The following TMEM117 variants were observed in gnomAD, a reference collection of about 807,000 sequenced individuals.
TMEM117 encodes the protein transmembrane protein 117.
A neutral mutation model predicts 52.4 loss-of-function variants in TMEM117; 27 were observed. The observed-to-expected ratio is 0.51, with a 90% CI of 0.38 to 0.71. The LOEUF is 0.71. Ranked by LOEUF, TMEM117 falls within the 30% of genes least tolerant of loss-of-function variation. The pLI, the probability that TMEM117 is intolerant of heterozygous loss-of-function variation, is 0.00. For missense variants in TMEM117, 556 were observed against 630.5 expected, an observed-to-expected ratio of 0.88 and a Z score of 1.26; for synonymous variants, 215 against 206.3, an observed-to-expected ratio of 1.04 and a Z score of -0.36.
At chr12:43,806,060 G>A in the TMEM117 span, 4 of 1,518,506 alleles carry the variant, frequency 2.6e-6, no homozygotes, top group African/African-American at 1.4e-5. Context: ...GGCAGCGCCC[G>A]GGAAGCAGGA....
chr12:43,980,608 T>C (rs1945745016), intron 3 of TMEM117, among the ~76,000 whole-genome samples: 1 of 152,192 alleles, frequency 6.6e-6, no homozygotes, highest in Non-Finnish European at 1.5e-5. Flanking sequence ...ACCAATGACT[T>C]ACTGACTTAC....
intron 5 of TMEM117, among the ~76,000 whole-genome samples, chr12:44,253,632 T>C (rs1402066956): frequency 2.6e-5 from 4 of 152,128 alleles, no homozygotes; most frequent in African/African-American, 9.7e-5. Flanking sequence ...TAGTGCTCTC[T>C]AGGTTCCTTG....
chr12:43,848,195 A>G lies in TMEM117; in HGVS notation c.277+3267A>G, dbSNP rs566813490. ...AAAGCAGAACCACTGATAAGGGTCT[A>G]TGTTCAGCAGTGCATGTATTGTCTT... On this transcript the variant is annotated intron_variant, in intron 2 of 7. Coordinates refer to ENST00000266534, the MANE Select transcript of TMEM117 (RefSeq NM_032256.3). 4.6e-5 allele frequency among the ~76,000 whole-genome samples: 7 copies of G among 152,312 alleles called. No homozygotes were observed. The East Asian group carries it at 5.8e-4, about 13-fold the overall frequency.
intron 6 of TMEM117, among the ~76,000 whole-genome samples, chr12:44,354,911 A>G (rs1000372447): frequency 3.3e-5 from 5 of 152,114 alleles, no homozygotes; most frequent in African/African-American, 9.7e-5. Context: ...AAGAAATTTT[A>G]TATCTTCTAA....
At chr12:44,279,752 G>A (rs1386888383) in intron 5 of TMEM117, among the ~76,000 whole-genome samples, 1 of 152,110 alleles carries the variant, frequency 6.6e-6, no homozygotes, top group Non-Finnish European at 1.5e-5. Flanking sequence ...GGGCTCAGGT[G>A]ATCCGCCCAC....
intron 4 of TMEM117, among the ~76,000 whole-genome samples, chr12:44,164,776 G>A (rs372212659): frequency 9.2e-5 from 14 of 152,208 alleles, no homozygotes; most frequent in African/African-American, 3.4e-4. Flanking sequence ...CCATGATCTG[G>A]ATGGTATATT....
At chr12:44,171,173 G>T (rs1228015993) in intron 4 of TMEM117, among the ~76,000 whole-genome samples, 1 of 151,824 alleles carries the variant, frequency 6.6e-6, no homozygotes, top group Non-Finnish European at 1.5e-5. Context: ...CCGCCACTAC[G>T]CCCGGCTAAT....
intron 2 of TMEM117, among the ~76,000 whole-genome samples, chr12:43,898,444 A>G (rs1348081329): frequency 6.6e-6 from 1 of 151,442 alleles, no homozygotes; most frequent in East Asian, 1.9e-4. Flanking sequence ...ATAATGATTA[A>G]TAGACCCTTT....
intron 5 of TMEM117, among the ~76,000 whole-genome samples, chr12:44,255,751 T>C (rs551631692): frequency 2.6e-5 from 4 of 152,160 alleles, no homozygotes; most frequent in African/African-American, 9.6e-5. Context: ...AATAACAAAA[T>C]ACTGGCAAAA....
intron 6 of TMEM117, among the ~76,000 whole-genome samples, chr12:44,373,438 T>C (rs1951892856): frequency 6.6e-6 from 1 of 152,220 alleles, no homozygotes; most frequent in African/African-American, 2.4e-5. Context: ...CTTTCTTCCT[T>C]TTTCTCCTGG....
chr12:44,221,965 T>C (rs555598168), intron 5 of TMEM117, among the ~76,000 whole-genome samples: 3 of 152,052 alleles, frequency 2.0e-5, no homozygotes, highest in South Asian at 4.2e-4. Context: ...TCCCAAAGTG[T>C]TGGGATTACA....
intron 5 of TMEM117, chr12:44,244,260 T>A (rs1950101019): frequency 6.6e-6 from 1 of 152,004 alleles, no homozygotes; most frequent in Non-Finnish European, 1.5e-5. Context: ...AAGGGCTCCC[T>A]TTTCTCTACA....
intron 5 of TMEM117, among the ~76,000 whole-genome samples, chr12:44,228,543 G>A (rs1949892449): frequency 6.6e-6 from 1 of 152,010 alleles, no homozygotes; most frequent in Non-Finnish European, 1.5e-5. Context: ...TCCCATAATG[G>A]CATATGTCAT....
At position 43,925,125 on chromosome 12, in the gene TMEM117, C is replaced by T. The variant is rs543684754; in HGVS notation, c.278-19085C>T. 2.6e-5 allele frequency among the ~76,000 whole-genome samples: 4 copies of T among 152,104 alleles called. No individual in the cohort carries two copies. The South Asian group carries it at 6.2e-4, about 24-fold the overall frequency. On this transcript the variant is annotated intron_variant, in intron 2 of 7. Transcript: ENST00000266534. ...AGACAGCAACTCGAGAGAGGGACCA[C>T]GGTGGAAACTACGATAACTTTCACA...
chr12:44,107,570 T>C (rs1947979283), intron 3 of TMEM117, among the ~76,000 whole-genome samples: 1 of 152,124 alleles, frequency 6.6e-6, no homozygotes, highest in Non-Finnish European at 1.5e-5. Context: ...AATTTTAATG[T>C]TAAAAATTAA....
chr12:44,324,599 A>G (rs1235022399), intron 6 of TMEM117, among the ~76,000 whole-genome samples: 4 of 152,152 alleles, frequency 2.6e-5, no homozygotes, highest in African/African-American at 7.2e-5. Context: ...TAAAAAGGAA[A>G]CAAAAATGAC....
At chr12:43,985,734 G>GA (rs1051546988) in intron 3 of TMEM117, among the ~76,000 whole-genome samples, 3 of 152,144 alleles carry the variant, frequency 2.0e-5, no homozygotes, top group Non-Finnish European at 4.4e-5. Context: ...GTGATTAAAA[G>GA]AAAGTAATTT....
chr12:44,097,496 A>G (rs1395460598), intron 3 of TMEM117, among the ~76,000 whole-genome samples: 2 of 152,066 alleles, frequency 1.3e-5, no homozygotes, highest in African/African-American at 4.8e-5. Flanking sequence ...CTGGATTAAG[A>G]AAATGTGGCA....
At chr12:44,042,575 T>A (rs1946816416) in intron 3 of TMEM117, among the ~76,000 whole-genome samples, 1 of 151,930 alleles carries the variant, frequency 6.6e-6, no homozygotes, top group Admixed American at 6.6e-5. Flanking sequence ...GGCAGAAAAA[T>A]GTGAAAAGGA....
Sources: allele counts gnomAD v4.1 joint callset (sites outside exome capture counted in the v4.1 genomes callset), GRCh38; gene constraint gnomAD v4.1.1; transcripts MANE v1.5; gene names NCBI Gene and HGNC (gene_info 2026-07-23, HGNC 2026-07-21).